Variants in DSCAM observed in about 807,000 individuals in gnomAD.
The protein encoded by DSCAM is DS cell adhesion molecule.
A neutral mutation model predicts 217.7 loss-of-function variants in DSCAM; 47 were observed. The ratio of observed to expected loss-of-function variants is 0.22; its 90% CI spans 0.17 to 0.28. The LOEUF is 0.28. Among genes scored for constraint, DSCAM ranks in the 10% least tolerant of loss-of-function variants. The pLI, the probability that DSCAM is intolerant of heterozygous loss-of-function variation, is 1.00. For synonymous variants in DSCAM, 1,056 were observed against 1,015.3 expected, an observed-to-expected ratio of 1.04 and a Z score of -0.76; for missense variants, 2,080 against 2,618.3, an observed-to-expected ratio of 0.79 and a Z score of 4.49.
intron 3 of DSCAM, among the ~76,000 whole-genome samples, chr21:40,672,693 TTC>T (rs1481322119): frequency 6.6e-6 from 1 of 152,126 alleles, no homozygotes; most frequent in African/African-American, 2.4e-5. Flanking sequence ...GCTATTCAAT[TTC>T]TGATTGATAA....
intron 1 of DSCAM, among the ~76,000 whole-genome samples, chr21:40,773,421 C>T (rs1355728847): frequency 6.6e-6 from 1 of 152,186 alleles, no homozygotes; most frequent in Non-Finnish European, 1.5e-5. Flanking sequence ...CCTGTGTCTT[C>T]ATGTCTAAAT....
At chr21:40,206,103 A>C (rs1026623386) in intron 11 of DSCAM, among the ~76,000 whole-genome samples, 1 of 152,238 alleles carries the variant, frequency 6.6e-6, no homozygotes, top group African/African-American at 2.4e-5. Context: ...CTCTAACTGT[A>C]TCTCTCTGAA....
At chr21:40,352,374 TG>T (rs1339428743) in intron 5 of DSCAM, among the ~76,000 whole-genome samples, 1 of 152,244 alleles carries the variant, frequency 6.6e-6, no homozygotes. Flanking sequence ...GAAGTGTGAC[TG>T]TGGATTTTAT....
chr21:40,425,626 G>A (rs58395033), intron 3 of DSCAM, among the ~76,000 whole-genome samples: 7,426 of 137,430 alleles, frequency 0.054, 401 homozygotes, highest in Admixed American at 0.18. Context: ...CAGGAGAATC[G>A]CTTGAACTCC....
intron 11 of DSCAM, among the ~76,000 whole-genome samples, chr21:40,248,896 A>C (rs2073264158): frequency 1.3e-5 from 2 of 152,222 alleles, no homozygotes; most frequent in Non-Finnish European, 2.9e-5. Flanking sequence ...CAGGAGGCGA[A>C]AGCCACTTCT....
intron 18 of DSCAM, among the ~76,000 whole-genome samples, chr21:40,135,550 C>T (rs575544040): frequency 6.6e-6 from 1 of 152,320 alleles, no homozygotes; most frequent in South Asian, 2.1e-4. Flanking sequence ...AGAAAATGGG[C>T]TGAAAATGGA....
intron 1 of DSCAM, among the ~76,000 whole-genome samples, chr21:40,841,087 T>G (rs1372033021): frequency 6.6e-6 from 1 of 152,122 alleles, no homozygotes; most frequent in East Asian, 1.9e-4. Flanking sequence ...GGCGTAACGA[T>G]TACCACAGAC....
At chr21:40,070,412 AAAG>A (rs1397316332) in intron 27 of DSCAM, among the ~76,000 whole-genome samples, 2 of 151,878 alleles carry the variant, frequency 1.3e-5, no homozygotes, top group Non-Finnish European at 2.9e-5. Context: ...AAAGAAAAGA[AAAG>A]AAAAAGAAAG....
intron 3 of DSCAM, among the ~76,000 whole-genome samples, chr21:40,674,631 TC>T (rs1406971560): frequency 0.37 from 26,046 of 71,346 alleles, 2,726 homozygotes; most frequent in Non-Finnish European, 0.45. Context: ...TTTTTCTTTT[TC>T]TTTTTTTTTT....
At chr21:40,250,470 T>C (rs2073287875) in intron 11 of DSCAM, among the ~76,000 whole-genome samples, 2 of 152,232 alleles carry the variant, frequency 1.3e-5, no homozygotes, top group South Asian at 2.1e-4. Context: ...GGTTCTTTCA[T>C]AATTTTTTAA....
chr21:40,418,454 G>A (rs1369465145), intron 3 of DSCAM, among the ~76,000 whole-genome samples: 2 of 152,144 alleles, frequency 1.3e-5, no homozygotes, highest in African/African-American at 2.4e-5. Context: ...AGCTGGGAAC[G>A]GGAGAATTTT....
At chr21:40,343,683 G>T (rs1258803273) in intron 6 of DSCAM, among the ~76,000 whole-genome samples, 2 of 151,950 alleles carry the variant, frequency 1.3e-5, no homozygotes. Flanking sequence ...ATCAATGTGT[G>T]TGTATATGTT....
intron 8 of DSCAM, among the ~76,000 whole-genome samples, chr21:40,336,989 C>A (rs575285197): frequency 6.6e-6 from 1 of 151,904 alleles, no homozygotes; most frequent in Non-Finnish European, 1.5e-5. Flanking sequence ...TATTAAAAAC[C>A]GATTTATAAT....
In DSCAM at chr21:40,489,774, CAAAAAAAA is replaced by C. The variant is rs35247505; in HGVS notation, c.509-120537_509-120530del. 2.3e-3 allele frequency among the ~76,000 whole-genome samples: 107 copies of C among 47,188 alleles called. 5 individuals are homozygous for C. Among genetic ancestry groups the C allele is most frequent in the Non-Finnish European group, 2.6e-3 (71 of 27,270 alleles). 31.0% of individuals were successfully genotyped at this position (47,188 alleles called of 152,430 possible). A position where few individuals can be genotyped will look rare whatever the true frequency, so the allele number is the denominator to read the frequency against. On this transcript the variant is annotated intron_variant, in intron 3 of 32. Coordinates refer to ENST00000400454, the MANE Select transcript of DSCAM (RefSeq NM_001389.5). ...TGGGCGACAGGGCGAGACTCCGTCT[CAAAAAAAA>C]AAAAAAAAAAAAAAAAAAATAAGTA...
intron 11 of DSCAM, among the ~76,000 whole-genome samples, chr21:40,226,967 T>G (rs945301240): frequency 2.0e-5 from 3 of 152,152 alleles, no homozygotes; most frequent in Non-Finnish European, 4.4e-5. Context: ...GTTCTCCTCA[T>G]ATAGTTCCCA....
rs1324050384 is a variant in DSCAM at position 40,846,909 on chromosome 21, C to T, written c.-248G>A. 6.6e-6 allele frequency: 1 copy of T among 151,748 alleles called. No homozygotes were observed. Among genetic ancestry groups the T allele is most frequent in the Non-Finnish European group, 1.5e-5 (1 of 67,926 alleles). 9.4% of individuals were successfully genotyped at this position (151,748 alleles called of 1,614,324 possible). ...CCGGGCGCCGCGCCCCACGCTGCGG[C>T]CGGAGCCCAGGTGCGCCGTCAGCTC... On this transcript the variant is annotated 5_prime_UTR_variant, in exon 1 of 33. Transcript: ENST00000400454.
chr21:40,080,858 G>C (rs2089445350), intron 24 of DSCAM, among the ~76,000 whole-genome samples: 1 of 152,096 alleles, frequency 6.6e-6, no homozygotes, highest in East Asian at 1.9e-4. Flanking sequence ...CCACTATTCT[G>C]ACAGTAACCT....
intron 27 of DSCAM, among the ~76,000 whole-genome samples, chr21:40,067,920 T>A: frequency 6.6e-6 from 1 of 152,158 alleles, no homozygotes; most frequent in Admixed American, 6.5e-5. Flanking sequence ...GTTCACAGCC[T>A]TGTTCTTCTT....
chr21:40,139,982 G>T (rs1301840904), intron 18 of DSCAM, among the ~76,000 whole-genome samples: 1 of 151,082 alleles, frequency 6.6e-6, no homozygotes, highest in Non-Finnish European at 1.5e-5. Context: ...GGTATGTGTG[G>T]TGTGTGGTGT....
Sources: allele counts gnomAD v4.1 joint callset (sites outside exome capture counted in the v4.1 genomes callset), GRCh38; gene constraint gnomAD v4.1.1; transcripts MANE v1.5; gene names NCBI Gene and HGNC (gene_info 2026-07-23, HGNC 2026-07-21).